Variants in ITGAE observed in about 807,000 individuals in gnomAD.
ITGAE encodes the protein integrin alpha-E.
A neutral mutation model predicts 136.5 loss-of-function variants in ITGAE; 99 were observed. That is an observed-to-expected ratio of 0.73 (90% CI 0.62 to 0.86). ITGAE has a LOEUF of 0.86. Ranked by LOEUF, ITGAE falls within the 40% of genes least tolerant of loss-of-function variation. The pLI, the probability that ITGAE is intolerant of heterozygous loss-of-function variation, is 0.00. For synonymous variants in ITGAE, 613 were observed against 591.8 expected (o/e 1.04, Z -0.52); for missense variants, 1,447 against 1,515.3 (o/e 0.95, Z 0.75).
chr17:3,724,740 T>C (rs763538473), intron 26 of ITGAE: 2 of 1,613,632 alleles, frequency 1.2e-6, no homozygotes, highest in South Asian at 2.2e-5. Flanking sequence ...TATGAGAGAG[T>C]CCTGCTGTAA....
At chr17:3,729,181 C>T (rs2051284829) in intron 24 of ITGAE, among the ~76,000 whole-genome samples, 1 of 152,170 alleles carries the variant, frequency 6.6e-6, no homozygotes, top group Admixed American at 6.5e-5. Context: ...CCTTACTCAT[C>T]CCCTCCTTAC....
chr17:3,780,090 C>T (rs2052629591), intron 1 of ITGAE, among the ~76,000 whole-genome samples: 1 of 152,158 alleles, frequency 6.6e-6, no homozygotes, highest in African/African-American at 2.4e-5. Flanking sequence ...TCTCCTGCCT[C>T]AGCCTCCCGA....
At chr17:3,734,710 A>AGGAGGCT in intron 21 of ITGAE, 107 bp downstream of exon 21, 2 of 1,354,764 alleles carry the variant, frequency 1.5e-6, no homozygotes, top group Non-Finnish European at 2.1e-6. Context: ...TTGGACCAGG[A>AGGAGGCT]GGAGGCTGGA....
Position 3,720,862 on chromosome 17 carries a change from C to A in ITGAE, c.3238-460G>T, listed in dbSNP as rs144358205. Among the ~76,000 whole-genome samples, 404 of 152,238 alleles carry A rather than the reference C, an allele frequency of 2.7e-3. 3 individuals carry two copies. The highest frequency in any genetic ancestry group is 8.8e-3 in the African/African-American group (367 of 41,538). ...CCTCCCAAAGTGCTGGGATTACAGG[C>A]GTGAGCTGCCGCGCCTGGCCTTTTC... On this transcript the variant is annotated intron_variant, in intron 28 of 30. Transcript: ENST00000263087.
chr17:3,784,176 C>T (rs1469463314), intron 1 of ITGAE, among the ~76,000 whole-genome samples: 5 of 151,916 alleles, frequency 3.3e-5, no homozygotes, highest in South Asian at 2.1e-4. Flanking sequence ...AGGAGAATGG[C>T]GTGAACCCGG....
chr17:3,724,878 G>A, intron 26 of ITGAE: 1 of 1,613,960 alleles, frequency 6.2e-7, no homozygotes, highest in South Asian at 1.1e-5. Context: ...AGAGCATCAG[G>A]AGGCCAGTGT....
intron 26 of ITGAE, chr17:3,725,430 T>G (rs1309750655): frequency 2.5e-6 from 4 of 1,614,170 alleles, no homozygotes; most frequent in Non-Finnish European, 3.4e-6. Flanking sequence ...TGGCGAAGTG[T>G]TTCAAACAAT....
At chr17:3,772,564 T>C (rs146588151) in intron 2 of ITGAE, among the ~76,000 whole-genome samples, 2,908 of 151,796 alleles carry the variant, frequency 0.019, 37 homozygotes, top group Non-Finnish European at 0.028. Context: ...CCCGCGTTCA[T>C]GCCATTCTCC....
chr17:3,796,109 C>CTGTG (rs757595992), intron 1 of ITGAE, among the ~76,000 whole-genome samples: 99,662 of 127,978 alleles, frequency 0.78, 38,982 homozygotes, highest in African/African-American at 0.85. Context: ...GTGTGCATCC[C>CTGTG]TGTGTGCATC....
chr17:3,755,977 C>T, intron 10 of ITGAE, 80 bp from the exon 11 acceptor site: 2 of 1,376,116 alleles, frequency 1.5e-6, no homozygotes, highest in Non-Finnish European at 2.0e-6. Flanking sequence ...TCCAGCTTGG[C>T]CTCACTCCCA....
chr17:3,796,874 C>T (rs566174858), intron 1 of ITGAE, among the ~76,000 whole-genome samples: 8 of 152,300 alleles, frequency 5.3e-5, no homozygotes, highest in Admixed American at 5.2e-4. Context: ...TTTGCCCACA[C>T]TGATACCAGG....
At position 3,728,669 on chromosome 17, in the gene ITGAE, G is replaced by T. The variant is rs1447412569; in HGVS notation, c.2913-501C>A. Among the ~76,000 whole-genome samples, 3 of 149,746 alleles carry T rather than the reference G, an allele frequency of 2.0e-5. No individual in the cohort carries two copies. The South Asian group carries it at 6.4e-4, about 32-fold the overall frequency. On this transcript the variant is annotated intron_variant, in intron 24 of 30. Coordinates refer to ENST00000263087, the MANE Select transcript of ITGAE (RefSeq NM_002208.5). The stretch of plus-strand genomic sequence containing the variant: ...ATGACAGGCGTGAGCCACCGCACCT[G>T]GCCTTCTCTTTTTGAATGAACTCGA...
At chr17:3,716,545 G>C (rs2050946516) in intron 30 of ITGAE, 143 bp downstream of exon 30, 1 of 644,356 alleles carries the variant, frequency 1.6e-6, no homozygotes. Context: ...GTCTAAATGG[G>C]GGTGTGCAGT....
intron 1 of ITGAE, among the ~76,000 whole-genome samples, chr17:3,797,517 G>A (rs1341430263): frequency 6.8e-6 from 1 of 146,236 alleles, no homozygotes; most frequent in Non-Finnish European, 1.5e-5. Flanking sequence ...CTGGAGTGCA[G>A]TGGTGTGATC....
chr17:3,715,041 C>T (rs1366012432), intron 30 of ITGAE, 99 bp from the exon 31 acceptor site: 5 of 673,952 alleles, frequency 7.4e-6, no homozygotes, highest in Non-Finnish European at 1.3e-5. Context: ...CCCTATATTC[C>T]TCTGCTTCTC....
intron 1 of ITGAE, among the ~76,000 whole-genome samples, chr17:3,796,340 ACCT>A (rs1419755859): frequency 6.6e-6 from 1 of 151,794 alleles, no homozygotes; most frequent in Non-Finnish European, 1.5e-5. Flanking sequence ...TCAGGAAACC[ACCT>A]CCTGTTGCAT....
intron 20 of ITGAE, 116 bp downstream of exon 20, chr17:3,739,689 T>C: frequency 1.2e-6 from 1 of 849,524 alleles, no homozygotes; most frequent in Non-Finnish European, 2.0e-6. Flanking sequence ...CAGAAGCCAT[T>C]TGTGGGCCAC....
intron 28 of ITGAE, among the ~76,000 whole-genome samples, chr17:3,722,683 G>A (rs1597295718): frequency 1.3e-5 from 2 of 152,130 alleles, no homozygotes; most frequent in African/African-American, 4.8e-5. Flanking sequence ...AGAAAGGCGA[G>A]TACTAGGAGA....
chr17:3,801,059 G>C, intron 1 of ITGAE, 52 bp downstream of exon 1: 1 of 1,600,118 alleles, frequency 6.2e-7, no homozygotes, highest in Non-Finnish European at 8.6e-7. Flanking sequence ...CAGACACCTG[G>C]CTGGAGCTGA....
Sources: allele counts gnomAD v4.1 joint callset (sites outside exome capture counted in the v4.1 genomes callset), GRCh38; gene constraint gnomAD v4.1.1; transcripts MANE v1.5; gene names NCBI Gene and HGNC (gene_info 2026-07-23, HGNC 2026-07-21).